Variants in SCMH1 observed in about 807,000 individuals in gnomAD.
SCMH1 encodes the protein Scm polycomb group protein homolog 1, also known as polycomb protein SCMH1.
A neutral mutation model predicts 70.8 loss-of-function variants in SCMH1; 37 were observed. The observed-to-expected ratio is 0.52, with a 90% CI of 0.40 to 0.69. The LOEUF (loss-of-function observed/expected upper bound fraction) is 0.69. SCMH1 is among the 30% of genes least tolerant of loss of function. The probability of loss-of-function intolerance (pLI) is 0.00; values close to 1 mark genes in which losing one functional copy is unlikely to be tolerated. For missense variants in SCMH1, 607 were observed against 827.3 expected, an observed-to-expected ratio of 0.73 and a Z score of 3.27; for synonymous variants, 292 against 307.4, an observed-to-expected ratio of 0.95 and a Z score of 0.52.
At chr1:41,053,889 G>C (rs926005640) in intron 10 of SCMH1, among the ~76,000 whole-genome samples, 1 of 151,800 alleles carries the variant, frequency 6.6e-6, no homozygotes, top group Non-Finnish European at 1.5e-5. Flanking sequence ...CTGTCGCCCA[G>C]GCTGGAGTGC....
intron 6 of SCMH1, among the ~76,000 whole-genome samples, chr1:41,133,098 T>C (rs1159403171): frequency 4.6e-5 from 7 of 152,172 alleles, no homozygotes; most frequent in Admixed American, 4.6e-4. Flanking sequence ...GGTAGCTTGA[T>C]GGGGATAGCA....
rs748448332 is a variant in SCMH1 at position 41,113,288 on chromosome 1, G to A, written c.740C>T (p.Thr247Ile). The change falls in exon 8 of 15, where the codon ACC becomes ATC. Residue 247 changes from threonine to isoleucine, a missense_variant. Around this residue, in one of 3 missense-constraint regions of SCMH1, gnomAD observed 430 missense variants for 528.2 expected, o/e 0.81. Coordinates refer to ENST00000337495, the Ensembl canonical transcript of SCMH1. This position sits in a 1 kb window ranked among gnomAD's most constrained non-coding sequence, Gnocchi z 4.3. ...GCACGTAGATGGGCCTTTACCTTTG[G>A]TGCCAGGAGGCTGCAGGTTGTCTCC... 2 of 1,613,276 alleles carry A rather than the reference G, an allele frequency of 1.2e-6. No individual in the cohort carries two copies. The highest frequency in any genetic ancestry group is 1.7e-6 in the Non-Finnish European group (2 of 1,179,698).
intron 2 of SCMH1, 85 bp from the exon 3 acceptor site, chr1:41,161,517 T>G: frequency 7.2e-7 from 1 of 1,380,926 alleles, no homozygotes; most frequent in Non-Finnish European, 9.6e-7. Context: ...ATTAACAGTT[T>G]TTAATAAAGT....
chr1:41,233,883 G>C (rs1301078529), intron 1 of SCMH1, among the ~76,000 whole-genome samples: 1 of 152,198 alleles, frequency 6.6e-6, no homozygotes, highest in East Asian at 1.9e-4. Context: ...CAGACTGCCA[G>C]AGTCCAAATC....
intron 1 of SCMH1, among the ~76,000 whole-genome samples, chr1:41,236,299 G>A (rs1662366332): frequency 6.6e-6 from 1 of 152,144 alleles, no homozygotes; most frequent in Admixed American, 6.5e-5. Context: ...GGGATGGGAG[G>A]GGTGCAGGAG....
At chr1:41,056,748 T>C (rs913813622) in intron 10 of SCMH1, among the ~76,000 whole-genome samples, 2 of 152,170 alleles carry the variant, frequency 1.3e-5, no homozygotes, top group East Asian at 1.9e-4. Flanking sequence ...AGAGGCTCAG[T>C]GTGAAGAAGT....
At chr1:41,137,914 A>T (rs1643617670) in intron 6 of SCMH1, among the ~76,000 whole-genome samples, 1 of 152,196 alleles carries the variant, frequency 6.6e-6, no homozygotes, top group South Asian at 2.1e-4. Flanking sequence ...GTTATAGTTA[A>T]CAATTATATT....
At chr1:41,047,009 CA>C (rs1646956398) in intron 11 of SCMH1, among the ~76,000 whole-genome samples, 2 of 152,274 alleles carry the variant, frequency 1.3e-5, no homozygotes, top group South Asian at 4.1e-4. Context: ...CCATAGCCAG[CA>C]ATGGTATGGG....
chr1:41,161,271 A>G (rs1409481221), intron 3 of SCMH1, 93 bp downstream of exon 3: 53 of 1,528,724 alleles, frequency 3.5e-5, no homozygotes, highest in Non-Finnish European at 4.6e-5. Flanking sequence ...CAATTGAGTT[A>G]TTTGTAAACT....
chr1:41,097,029 A>C (rs1665268747), intron 8 of SCMH1, among the ~76,000 whole-genome samples: 1 of 152,218 alleles, frequency 6.6e-6, no homozygotes, highest in South Asian at 2.1e-4. Flanking sequence ...AGTATACAAA[A>C]GGGCAAAAAT....
At chr1:41,117,646 C>T (rs533250206) in intron 6 of SCMH1, among the ~76,000 whole-genome samples, 1 of 152,316 alleles carries the variant, frequency 6.6e-6, no homozygotes, top group African/African-American at 2.4e-5. Flanking sequence ...CCTAGTTCGC[C>T]TTCATGTTCC....
intron 10 of SCMH1, among the ~76,000 whole-genome samples, chr1:41,057,697 A>G (rs968026106): frequency 3.3e-5 from 5 of 152,218 alleles, no homozygotes; most frequent in African/African-American, 9.6e-5. Context: ...ATTTAAAACA[A>G]CTATGATTAA....
chr1:41,176,391 C>T (rs547823142), intron 2 of SCMH1, among the ~76,000 whole-genome samples: 15 of 152,268 alleles, frequency 9.9e-5, no homozygotes, highest in Non-Finnish European at 1.2e-4. Flanking sequence ...AGGGGAGTGT[C>T]GGACAGTGGG....
intron 1 of SCMH1, among the ~76,000 whole-genome samples, chr1:41,208,986 G>C (rs1656307850): frequency 6.6e-6 from 1 of 152,078 alleles, no homozygotes. Context: ...CCACTAGCAA[G>C]ACTAGTAAAG....
rs570207533 is a variant in SCMH1, at chr1:41,106,750, C to A, written c.745+6533G>T. On this transcript the variant is annotated intron_variant, in intron 8 of 14. Coordinates refer to ENST00000337495, the Ensembl canonical transcript of SCMH1. ...TGTCACCCAGGCTGGAGTGCAGTGG[C>A]GCAATCTCAGCTCACTGCAACCTCT... Among the ~76,000 whole-genome samples the A allele has an allele frequency of 7.2e-5, 11 of 151,856 alleles. No homozygotes were observed. In the South Asian group the frequency reaches 2.3e-3, roughly 32 times the overall value.
chr1:41,049,828 C>A (rs1288084174), intron 10 of SCMH1, among the ~76,000 whole-genome samples: 1 of 148,520 alleles, frequency 6.7e-6, no homozygotes, highest in Non-Finnish European at 1.5e-5. Flanking sequence ...CTTTGTGAGG[C>A]TGAGGCGGAA....
intron 6 of SCMH1, among the ~76,000 whole-genome samples, chr1:41,123,966 G>A (rs1413220897): frequency 6.6e-6 from 1 of 152,140 alleles, no homozygotes; most frequent in African/African-American, 2.4e-5. Context: ...CCATTACCTA[G>A]AGCTTCTGAT....
At chr1:41,088,752 C>T (rs1461568665) in intron 8 of SCMH1, among the ~76,000 whole-genome samples, 1 of 152,146 alleles carries the variant, frequency 6.6e-6, no homozygotes, top group Non-Finnish European at 1.5e-5. Flanking sequence ...AGGAAAAAAA[C>T]GTAAACAAAT....
At chr1:41,050,143 A>G (rs902515905) in intron 10 of SCMH1, among the ~76,000 whole-genome samples, 2 of 152,048 alleles carry the variant, frequency 1.3e-5, no homozygotes, top group African/African-American at 2.4e-5. Context: ...GCAGTGGGGA[A>G]GGGGTGCAGT....
Sources: gnomAD v4.1 joint callset for allele counts (sites outside exome capture counted in the v4.1 genomes callset) on GRCh38, gnomAD v4.1.1 for gene constraint, gnomAD v4.1.1 regional missense constraint, Gnocchi (gnomAD v3.1) non-coding constraint, MANE v1.5 for transcripts, NCBI Gene and HGNC (gene_info 2026-07-23, HGNC 2026-07-21) for gene names.